The following TTC5 variants were observed in gnomAD, a reference collection of about 807,000 sequenced individuals.
The protein encoded by TTC5 is tetratricopeptide repeat domain 5, also known as tetratricopeptide repeat protein 5.
A neutral mutation model predicts 57.4 loss-of-function variants in TTC5; 46 were observed. The ratio of observed to expected loss-of-function variants is 0.80; its 90% CI spans 0.63 to 1.03. The LOEUF (loss-of-function observed/expected upper bound fraction) is 1.03, where lower values mean the gene tolerates loss of function less well. Among genes scored for constraint, TTC5 ranks in the 50% least tolerant of loss-of-function variants. The probability of loss-of-function intolerance (pLI) is 0.00; values close to 1 mark genes in which losing one functional copy is unlikely to be tolerated. For missense variants in TTC5, 504 were observed against 528.1 expected (o/e 0.95, Z 0.45); for synonymous variants, 190 against 203.5 (o/e 0.93, Z 0.57).
intron 5 of TTC5, among the ~76,000 whole-genome samples, chr14:20,297,990 T>G (rs1235695528): frequency 6.6e-6 from 1 of 152,098 alleles, no homozygotes; most frequent in Non-Finnish European, 1.5e-5. Context: ...AAAACCAATT[T>G]AAAAGGGCAG....
intron 9 of TTC5, among the ~76,000 whole-genome samples, chr14:20,291,091 T>C (rs1881944489): frequency 1.3e-5 from 2 of 152,084 alleles, no homozygotes; most frequent in Admixed American, 1.3e-4. Flanking sequence ...ACTTTCTCTA[T>C]CACCCGGGCT....
At chr14:20,293,168 T>G (rs1047055732) in intron 8 of TTC5, 15 of 152,236 alleles carry the variant, frequency 9.9e-5, no homozygotes, top group Admixed American at 2.0e-4. Context: ...GATAGCAGGA[T>G]AAACAGACTG....
At chr14:20,297,430 T>A (rs1387058445) in intron 5 of TTC5, among the ~76,000 whole-genome samples, 2 of 152,178 alleles carry the variant, frequency 1.3e-5, no homozygotes, top group Non-Finnish European at 2.9e-5. Context: ...TTTAAATGGT[T>A]GGTTCAGATA....
At chr14:20,294,463 GA>G (rs1882020635) in intron 8 of TTC5, 1 of 152,136 alleles carries the variant, frequency 6.6e-6, no homozygotes, top group South Asian at 2.1e-4. Context: ...ATGCCATGGA[GA>G]AAGCTTGGGC....
chr14:20,296,474 G>A, intron 5 of TTC5, 28 bp from the exon 6 acceptor site: 2 of 1,565,946 alleles, frequency 1.3e-6, no homozygotes, highest in Non-Finnish European at 1.8e-6. Context: ...GATTATCAGT[G>A]GATCCTGTCT....
Position 20,302,990 on chromosome 14 carries a change from G to A in TTC5, c.52-1025C>T, listed in dbSNP as rs775440825. 4.0e-5 allele frequency among the ~76,000 whole-genome samples: 6 copies of A among 151,680 alleles called. No homozygotes were observed. In the South Asian group the frequency reaches 6.3e-4, roughly 16 times the overall value. The stretch of plus-strand genomic sequence containing the variant: ...AAGGCAGACGGATCATGAAGAGATC[G>A]AAACCATCCTGGCCATCATGGTGAA... On this transcript the variant is annotated intron_variant, in intron 1 of 9. Transcript: ENST00000258821.
intron 2 of TTC5, 100 bp from the exon 3 acceptor site, chr14:20,300,918 G>A: frequency 1.1e-6 from 1 of 924,552 alleles, no homozygotes; most frequent in Non-Finnish European, 1.6e-6. Flanking sequence ...GGAATAAAAA[G>A]AGTTGGGGAA....
Position 20,289,697 on chromosome 14 carries a change from A to G in TTC5, c.1253T>C (p.Val418Ala). Reference protein sequence around the residue: ...VRVETPLLLVVNGKPQGSSSQ... With the variant: ...VRVETPLLLVANGKPQGSSSQ... ...GCTGGATCCCTGAGGCTTCCCATTC[A>G]CCACTAGCAGGAGGGGCGTCTCCAC... The change falls in exon 10 of 10, where the codon GTG becomes GCG. Residue 418 changes from valine (V) to alanine (A), a missense_variant. Val to Ala is a moderately conservative substitution (Grantham distance 64). Transcript: ENST00000258821. 1.9e-6 allele frequency: 3 copies of G among 1,613,832 alleles called. No individual in the cohort carries two copies. The highest frequency in any genetic ancestry group is 8.5e-7 in the Non-Finnish European group (1 of 1,179,846).
rs1566392459 is a variant in TTC5, at chr14:20,300,829, G to A, written c.185-11C>T. The stretch of plus-strand genomic sequence containing the variant: ...TGCCCTGGACAGAACCTAAGAGGAA[G>A]AAAAAAAGATAAAGTGGGAAAAAAA... On this transcript the variant is annotated splice_polypyrimidine_tract_variant and intron_variant, in intron 2 of 9. Coordinates refer to ENST00000258821, the MANE Select transcript of TTC5 (RefSeq NM_138376.3). 5 of 1,567,582 alleles carry A rather than the reference G, an allele frequency of 3.2e-6. No homozygotes were observed. The highest frequency in any genetic ancestry group is 2.0e-5 in the Admixed American group (1 of 48,908).
At chr14:20,299,575 G>A (rs749970643) in intron 3 of TTC5, 127 bp from the exon 4 acceptor site, 47 of 1,057,262 alleles carry the variant, frequency 4.4e-5, no homozygotes, top group Non-Finnish European at 5.8e-5. Flanking sequence ...TTTGTTTGAG[G>A]TGGAGTCTTG....
chr14:20,301,231 G>T (rs538168392), intron 2 of TTC5, among the ~76,000 whole-genome samples: 2 of 152,298 alleles, frequency 1.3e-5, no homozygotes, highest in South Asian at 4.2e-4. Flanking sequence ...AAACAAAACA[G>T]AGAGAGAGAA....
chr14:20,296,015 T>C (rs1271732925), intron 6 of TTC5, among the ~76,000 whole-genome samples, 161 bp from the exon 7 acceptor site: 13 of 152,274 alleles, frequency 8.5e-5, no homozygotes, highest in Non-Finnish European at 2.9e-5. Flanking sequence ...CCTTACATCC[T>C]TCTTCCTAGC....
At chr14:20,298,194 A>G (rs942261946) in intron 5 of TTC5, among the ~76,000 whole-genome samples, 7 of 152,240 alleles carry the variant, frequency 4.6e-5, no homozygotes, top group Non-Finnish European at 1.0e-4. Context: ...ATAATGAGAA[A>G]AAAGGCACTC....
In TTC5 at chr14:20,289,388, G is replaced by C. The variant is rs1401850521; in HGVS notation, c.*239C>G. The C allele has an allele frequency of 8.6e-6, 3 of 348,202 alleles. No homozygotes were observed. Among genetic ancestry groups the C allele is most frequent in the African/African-American group, 2.0e-5 (1 of 49,158 alleles). The allele number at this position is 348,202 out of a possible 1,614,324, so 21.6% of individuals were successfully genotyped here. A position where few individuals can be genotyped will look rare whatever the true frequency, so the allele number is the denominator to read the frequency against. On this transcript the variant is annotated 3_prime_UTR_variant, in exon 10 of 10. Coordinates refer to ENST00000258821, the MANE Select transcript of TTC5 (RefSeq NM_138376.3). Reference sequence around the variant, plus strand: ...TTCCATGCTCTTTGCTTAAAACATAGAGAGCAGTGGAAGAGACAGGAGAGA... The same window carrying C: ...TTCCATGCTCTTTGCTTAAAACATACAGAGCAGTGGAAGAGACAGGAGAGA...
chr14:20,303,066 C>A (rs61995500), intron 1 of TTC5, among the ~76,000 whole-genome samples: 8,805 of 152,004 alleles, frequency 0.058, 358 homozygotes, highest in Middle Eastern at 0.1. Context: ...GTGGCGCACA[C>A]CTGTAGTCCC....
At position 20,305,943 on chromosome 14, in the gene TTC5, G is replaced by A. The variant is rs138814507; in HGVS notation, c.-6C>T. On this transcript the variant is annotated 5_prime_UTR_variant, in exon 1 of 10. Transcript: ENST00000258821. ...TCCTCTTCATCAGCCATCATCTCCC[G>A]GCCACTCCACCCCCAACTTTATAAC... is the stretch of plus-strand genomic sequence containing the variant. The A allele has an allele frequency of 6.0e-4, 968 of 1,613,564 alleles. 5 individuals carry two copies. In the African/African-American group the frequency reaches 0.011, roughly 19 times the overall value.
rs748649777 is a variant in TTC5, at chr14:20,295,871, T to C, written c.697-17A>G. On this transcript the variant is annotated splice_polypyrimidine_tract_variant and intron_variant, in intron 6 of 9. Transcript: ENST00000258821. ...TTTATGCAACTGTACAAGAAGTGTA[T>C]CCCAATTATAAGTATATCCAGACAA... 1.8e-5 allele frequency: 28 copies of C among 1,561,396 alleles called. No individual in the cohort carries two copies. Among genetic ancestry groups the C allele is most frequent in the Non-Finnish European group, 2.2e-5 (26 of 1,158,452 alleles).
At position 20,286,647 on chromosome 14, in the gene TTC5, T is replaced by G. The variant is rs1007629529; in HGVS notation, c.*2980A>C. ...AATGTCCTTATGACTTTAGGAGAGCTAAGAACCTCTTAAAACACAAAAAGC... is the reference window on the plus strand; with the variant it reads ...AATGTCCTTATGACTTTAGGAGAGCGAAGAACCTCTTAAAACACAAAAAGC... On this transcript the variant is annotated 3_prime_UTR_variant, in exon 10 of 10. Coordinates refer to ENST00000258821, the MANE Select transcript of TTC5 (RefSeq NM_138376.3). 6.6e-6 allele frequency: 1 copy of G among 151,938 alleles called. No homozygotes were observed. The allele number at this position is 151,938 out of a possible 1,614,324, so 9.4% of individuals were successfully genotyped here. A position where few individuals can be genotyped will look rare whatever the true frequency, so the allele number is the denominator to read the frequency against.
At chr14:20,296,591 G>A (rs1300142836) in intron 5 of TTC5, 145 bp from the exon 6 acceptor site, 16 of 679,646 alleles carry the variant, frequency 2.4e-5, no homozygotes, top group Admixed American at 9.5e-5. Context: ...AGCAGTTACC[G>A]TATAACAGTG....
Sources: gnomAD v4.1 joint callset for allele counts (sites outside exome capture counted in the v4.1 genomes callset) on GRCh38, gnomAD v4.1.1 for gene constraint, MANE v1.5 for transcripts, NCBI Gene and HGNC (gene_info 2026-07-23, HGNC 2026-07-21) for gene names.